SGCD: variants seen among roughly 807,000 people sequenced by gnomAD.
SGCD encodes delta-sarcoglycan.
SGCD carries 18 observed loss-of-function variants against 36.6 expected under a neutral mutation model. The ratio of observed to expected loss-of-function variants is 0.49; its 90% confidence interval spans 0.34 to 0.73. The LOEUF is 0.73. Among genes scored for constraint, SGCD ranks in the 30% least tolerant of loss-of-function variants. The probability of loss-of-function intolerance (pLI) is 0.01; values close to 1 mark genes in which losing one functional copy is unlikely to be tolerated. For synonymous variants in SGCD, 133 were observed against 130.6 expected, an observed-to-expected ratio of 1.02 and a Z score of -0.12; for missense variants, 387 against 346.7, an observed-to-expected ratio of 1.12 and a Z score of -0.92.
chr5:156,192,387 A>T (rs11742893), intron 3 of SGCD, among the ~76,000 whole-genome samples: 1 of 151,928 alleles, frequency 6.6e-6, no homozygotes, highest in South Asian at 2.1e-4. Context: ...GACAAATATC[A>T]TGTGTTCTCA....
chr5:156,375,636 T>C (rs971143697), intron 3 of SGCD, among the ~76,000 whole-genome samples: 3 of 152,188 alleles, frequency 2.0e-5, no homozygotes, highest in Non-Finnish European at 4.4e-5. Flanking sequence ...TGTTCAAAGC[T>C]GAGGAAAAGC....
the SGCD span, among the ~76,000 whole-genome samples, chr5:155,792,433 C>CAA: frequency 0.23 from 20,795 of 91,946 alleles, 2,481 homozygotes; most frequent in Admixed American, 0.36. Flanking sequence ...TTCTACATAG[C>CAA]AAAAAAAAAA....
At chr5:156,730,174 C>A (rs1168017344) in intron 7 of SGCD, among the ~76,000 whole-genome samples, 1 of 151,956 alleles carries the variant, frequency 6.6e-6, no homozygotes, top group East Asian at 1.9e-4. Context: ...AACACTTATC[C>A]AAAATCACAG....
intron 1 of SGCD, among the ~76,000 whole-genome samples, chr5:156,013,411 T>C (rs1758902526): frequency 6.6e-6 from 1 of 152,236 alleles, no homozygotes; most frequent in African/African-American, 2.4e-5. Context: ...TTTGAAGCTC[T>C]TAATACATCT....
chr5:155,986,452 T>C (rs1758332394), intron 1 of SGCD, among the ~76,000 whole-genome samples: 1 of 152,150 alleles, frequency 6.6e-6, no homozygotes, highest in Non-Finnish European at 1.5e-5. Context: ...TGAGGTTAAG[T>C]ATGCCAAGGA....
chr5:156,580,030 A>T lies in SGCD; in HGVS notation c.295-9201A>T, dbSNP rs1181128580. ...GCATTGATGGTCTTTACAATTTGGC[A>T]TGTTTTTGCAGTGGCTGGTACAGGT... On this transcript the variant is annotated intron_variant, in intron 4 of 8. Coordinates refer to ENST00000337851, the MANE Select transcript of SGCD (RefSeq NM_000337.6). Among the ~76,000 whole-genome samples, 5 of 152,222 alleles carry T rather than the reference A, an allele frequency of 3.3e-5. No individual in the cohort carries two copies. The South Asian group carries it at 6.2e-4, about 19-fold the overall frequency.
intron 1 of SGCD, among the ~76,000 whole-genome samples, chr5:156,032,980 G>A (rs1228610930): frequency 6.6e-6 from 1 of 151,828 alleles, no homozygotes; most frequent in Non-Finnish European, 1.5e-5. Context: ...AGGAGGCTGA[G>A]GCAGGAAGAT....
chr5:156,473,599 T>A (rs989665652), intron 3 of SGCD, among the ~76,000 whole-genome samples: 10 of 152,234 alleles, frequency 6.6e-5, no homozygotes, highest in African/African-American at 1.9e-4. Flanking sequence ...GTGTGTTTTT[T>A]ATAAATTGTT....
intron 3 of SGCD, among the ~76,000 whole-genome samples, chr5:156,480,959 A>G (rs1455647343): frequency 3.9e-5 from 6 of 152,180 alleles, no homozygotes; most frequent in African/African-American, 1.4e-4. Flanking sequence ...AGTAATGGAA[A>G]GATGATTCCA....
At chr5:156,627,082 T>C (rs1762466065) in intron 6 of SGCD, among the ~76,000 whole-genome samples, 1 of 152,214 alleles carries the variant, frequency 6.6e-6, no homozygotes, top group Non-Finnish European at 1.5e-5. Flanking sequence ...TTTCAAGTTA[T>C]GATCAATTGC....
At chr5:156,200,032 T>A (rs1764107806) in intron 3 of SGCD, among the ~76,000 whole-genome samples, 1 of 152,156 alleles carries the variant, frequency 6.6e-6, no homozygotes, top group Non-Finnish European at 1.5e-5. Flanking sequence ...AAGACACAAA[T>A]AAATATATTT....
intron 3 of SGCD, among the ~76,000 whole-genome samples, chr5:156,281,234 A>G (rs1766443752): frequency 6.6e-6 from 1 of 152,176 alleles, no homozygotes; most frequent in Non-Finnish European, 1.5e-5. Flanking sequence ...AACTATCATA[A>G]GCCTTGGTTC....
chr5:156,072,477 G>C (rs1357611000), intron 1 of SGCD, among the ~76,000 whole-genome samples: 1 of 151,946 alleles, frequency 6.6e-6, no homozygotes, highest in African/African-American at 2.4e-5. Flanking sequence ...CTTCTGGCTT[G>C]TAGAGTTTCT....
chr5:156,723,332 G>T (rs1282349434), intron 7 of SGCD, among the ~76,000 whole-genome samples: 2 of 152,146 alleles, frequency 1.3e-5, no homozygotes, highest in Non-Finnish European at 2.9e-5. Flanking sequence ...CAATCTTTGA[G>T]CTAGGTGCCA....
intron 3 of SGCD, among the ~76,000 whole-genome samples, chr5:156,454,688 A>G (rs1295721177): frequency 6.6e-6 from 1 of 152,128 alleles, no homozygotes; most frequent in Non-Finnish European, 1.5e-5. Context: ...CAGAGAGAGC[A>G]TTGGCATGGT....
intron 1 of SGCD, among the ~76,000 whole-genome samples, chr5:156,051,654 A>G (rs1759918706): frequency 6.8e-6 from 1 of 146,508 alleles, no homozygotes; most frequent in African/African-American, 2.5e-5. Flanking sequence ...TGTGAAACAT[A>G]TAAACTAGAG....
At chr5:156,382,679 A>C (rs555335200) in intron 3 of SGCD, among the ~76,000 whole-genome samples, 1 of 152,292 alleles carries the variant, frequency 6.6e-6, no homozygotes, top group Non-Finnish European at 1.5e-5. Context: ...CTAGTAGAGG[A>C]TATATCGGTG....
At chr5:156,459,533 A>G (rs1432496176) in intron 3 of SGCD, among the ~76,000 whole-genome samples, 3 of 152,206 alleles carry the variant, frequency 2.0e-5, no homozygotes, top group Admixed American at 6.5e-5. Flanking sequence ...CAGTGGCCAC[A>G]TCTTACACAG....
Position 156,635,300 on chromosome 5 carries a change from G to A in SGCD, c.503-12164G>A, listed in dbSNP as rs555599250. Among the ~76,000 whole-genome samples, 5 of 152,198 alleles carry A rather than the reference G, an allele frequency of 3.3e-5. No homozygotes were observed. The South Asian group carries it at 1.0e-3, about 32-fold the overall frequency. On this transcript the variant is annotated intron_variant, in intron 6 of 8. Transcript: ENST00000337851. ...CATGAAAAAATGCACATGATCACTGGCCATCAGAGAAATGCAAATCAAAAC... is the reference window on the plus strand; with the variant it reads ...CATGAAAAAATGCACATGATCACTGACCATCAGAGAAATGCAAATCAAAAC...
Sources: allele counts gnomAD v4.1 joint callset (sites outside exome capture counted in the v4.1 genomes callset), GRCh38; gene constraint gnomAD v4.1.1; transcripts MANE v1.5; gene names NCBI Gene and HGNC (gene_info 2026-07-23, HGNC 2026-07-21).